Variants in MICAL3 observed in about 807,000 individuals in gnomAD.
The protein encoded by MICAL3 is [F-actin]-monooxygenase MICAL3.
A neutral mutation model predicts 207.4 loss-of-function variants in MICAL3; 62 were observed. The observed-to-expected ratio is 0.30, with a 90% CI of 0.24 to 0.37. The LOEUF (loss-of-function observed/expected upper bound fraction) is 0.37. Ranked by LOEUF, MICAL3 falls within the 10% of genes least tolerant of loss-of-function variation. The pLI is 1.00. For synonymous variants in MICAL3, 1,077 were observed against 1,069.3 expected, an observed-to-expected ratio of 1.01 and a Z score of -0.14; for missense variants, 2,368 against 2,635.6, an observed-to-expected ratio of 0.90 and a Z score of 2.22.
At chr22:18,020,826 A>T (rs1033940445) in intron 1 of MICAL3, among the ~76,000 whole-genome samples, 4 of 151,700 alleles carry the variant, frequency 2.6e-5, no homozygotes, top group African/African-American at 9.7e-5. Context: ...AGGCACAAGA[A>T]TCACTTGAAC....
At position 17,818,192 on chromosome 22, in the gene MICAL3, A is replaced by C. The variant is rs777870341; in HGVS notation, c.4469T>G (p.Leu1490Trp). The change falls in exon 26 of 32, where the codon TTG becomes TGG. Residue 1490 changes from leucine to tryptophan, a missense_variant. By Grantham distance (61) the Leu-to-Trp change is moderately conservative (BLOSUM62 -2). Around this residue, in one of 4 missense-constraint regions of MICAL3, gnomAD observed 1,770 missense variants for 1,863.2 expected, o/e 0.95. Coordinates refer to ENST00000441493, the MANE Select transcript of MICAL3 (RefSeq NM_015241.3). ...EPNASVVPPP[L>W]PATWMRPPRE... ...GGGGGGCCGCATCCAGGTGGCGGGCAAGGGCGGCGGGACCACCGAGGCATT... is the reference window on the plus strand; with the variant it reads ...GGGGGGCCGCATCCAGGTGGCGGGCCAGGGCGGCGGGACCACCGAGGCATT... 13 of 1,565,320 alleles carry C rather than the reference A, an allele frequency of 8.3e-6. No homozygotes were observed. The East Asian group carries it at 2.8e-4, about 34-fold the overall frequency.
At chr22:17,836,346 C>T (rs1448960873) in intron 20 of MICAL3, among the ~76,000 whole-genome samples, 1 of 152,232 alleles carries the variant, frequency 6.6e-6, no homozygotes, top group Non-Finnish European at 1.5e-5. Context: ...GGTCACGGGG[C>T]TGCGCTGCTT....
At chr22:17,832,850 A>AC (rs973007641) in intron 20 of MICAL3, among the ~76,000 whole-genome samples, 5 of 152,080 alleles carry the variant, frequency 3.3e-5, no homozygotes, top group African/African-American at 1.2e-4. Context: ...TTAGAACCCT[A>AC]CCACGTGCCA....
At chr22:17,954,280 T>C (rs1226226792) in intron 1 of MICAL3, among the ~76,000 whole-genome samples, 1 of 152,086 alleles carries the variant, frequency 6.6e-6, no homozygotes, top group Non-Finnish European at 1.5e-5. Flanking sequence ...TGGGGACCTG[T>C]AGTGGGGGAC....
At chr22:17,913,980 A>C (rs1932308933) in intron 1 of MICAL3, among the ~76,000 whole-genome samples, 1 of 152,232 alleles carries the variant, frequency 6.6e-6, no homozygotes, top group African/African-American at 2.4e-5. Context: ...CCTCATCTGT[A>C]AAATGAAAAT....
At chr22:17,965,942 A>C (rs1431454487) in intron 1 of MICAL3, among the ~76,000 whole-genome samples, 2 of 152,168 alleles carry the variant, frequency 1.3e-5, no homozygotes. Flanking sequence ...CCACCACGGG[A>C]CCAACCACCG....
intron 25 of MICAL3, among the ~76,000 whole-genome samples, chr22:17,820,395 C>T (rs567060638): frequency 3.3e-5 from 5 of 152,330 alleles, no homozygotes; most frequent in African/African-American, 1.2e-4. Flanking sequence ...CGCTCTGTCG[C>T]CCAGGCTGGA....
chr22:18,001,744 A>C (rs1923038039), intron 1 of MICAL3, among the ~76,000 whole-genome samples: 1 of 152,254 alleles, frequency 6.6e-6, no homozygotes, highest in Non-Finnish European at 1.5e-5. Context: ...GTCCCCCTGC[A>C]GGATCCATAT....
At chr22:17,970,625 C>T (rs2146409398) in intron 1 of MICAL3, among the ~76,000 whole-genome samples, 1 of 152,348 alleles carries the variant, frequency 6.6e-6, no homozygotes, top group East Asian at 1.9e-4. Flanking sequence ...TAATTCCCCA[C>T]CACTTCCTAT....
intron 1 of MICAL3, among the ~76,000 whole-genome samples, chr22:18,008,230 A>G (rs1311908302): frequency 6.6e-6 from 1 of 151,866 alleles, no homozygotes; most frequent in Non-Finnish European, 1.5e-5. Context: ...AAAGAGCGAA[A>G]CTCCACCTCA....
At chr22:17,810,173 C>A (rs984633902) in intron 28 of MICAL3, among the ~76,000 whole-genome samples, 2 of 151,388 alleles carry the variant, frequency 1.3e-5, no homozygotes, top group Admixed American at 6.6e-5. Flanking sequence ...TGCCATTCTC[C>A]TGCCTCAGCC....
intron 1 of MICAL3, among the ~76,000 whole-genome samples, chr22:17,967,630 AG>A (rs1354127228): frequency 2.6e-5 from 4 of 152,348 alleles, no homozygotes; most frequent in Middle Eastern, 3.4e-3. Flanking sequence ...AATGAGGACC[AG>A]GTGTGGTGGC....
In MICAL3 at chr22:17,861,409, T is replaced by C. The variant is rs1926502304; in HGVS notation, c.2605+3490A>G. The C allele has an allele frequency of 5.1e-6, 5 of 985,352 alleles. No homozygotes were observed. In the African/African-American group the frequency reaches 7.0e-5, roughly 14 times the overall value. 61.0% of individuals were successfully genotyped at this position (985,352 alleles called of 1,614,324 possible). On this transcript the variant is annotated intron_variant, in intron 19 of 31. Transcript: ENST00000441493. ...AAACTAACGTGCTTCTCCCCGTCCA[T>C]CTCTGGCCGGTAATGAACCCGGTGA...
chr22:17,910,933 C>G (rs1349043552), intron 1 of MICAL3, among the ~76,000 whole-genome samples: 2 of 152,208 alleles, frequency 1.3e-5, no homozygotes, highest in Non-Finnish European at 2.9e-5. Context: ...ACCAGGAAAC[C>G]TGGCAGGAAG....
chr22:17,955,390 A>C (rs911140314), intron 1 of MICAL3, among the ~76,000 whole-genome samples: 3 of 152,098 alleles, frequency 2.0e-5, no homozygotes, highest in African/African-American at 7.2e-5. Flanking sequence ...TTCCAGTAAA[A>C]TCCATGCTCC....
chr22:17,891,475 C>T lies in MICAL3; in HGVS notation c.1694+10G>A, dbSNP rs1569118899. On this transcript the variant is annotated intron_variant, in intron 12 of 31. Transcript: ENST00000441493. ...AGTATAAAAAAACACAAAGTTTGAT[C>T]ACAACTTACATCAGGTCAGGGCGGT... 13 of 1,613,180 alleles carry T rather than the reference C, an allele frequency of 8.1e-6. No individual in the cohort carries two copies.
chr22:17,839,648 C>CCT, intron 20 of MICAL3: 1 of 151,428 alleles, frequency 6.6e-6, no homozygotes. Flanking sequence ...CTCACTGCAA[C>CCT]CTCTGCCTTC....
Position 17,900,140 on chromosome 22 carries a change from G to C in MICAL3, c.848-592C>G, listed in dbSNP as rs755166605. On this transcript the variant is annotated intron_variant, in intron 6 of 31. Coordinates refer to ENST00000441493, the MANE Select transcript of MICAL3 (RefSeq NM_015241.3). The surrounding 1 kb of genome is among the most constrained non-coding windows in gnomAD (Gnocchi z 4.0). ...ACGGTTTGCCTTCAAGCCTGAGCTG[G>C]AACTCAGGAAGAAGACTACATACTT... Among the ~76,000 whole-genome samples, 2 of 152,118 alleles carry C rather than the reference G, an allele frequency of 1.3e-5. No homozygotes were observed. Among genetic ancestry groups the C allele is most frequent in the Non-Finnish European group, 2.9e-5 (2 of 68,030 alleles).
intron 1 of MICAL3, among the ~76,000 whole-genome samples, chr22:17,976,527 G>GTA (rs148212209): frequency 1.0e-4 from 13 of 124,804 alleles, no homozygotes; most frequent in South Asian, 5.0e-4. Context: ...GTATATATGT[G>GTA]TATATATATG....
Sources: allele counts gnomAD v4.1 joint callset (sites outside exome capture counted in the v4.1 genomes callset), GRCh38; gene constraint gnomAD v4.1.1; regional missense constraint gnomAD v4.1.1; non-coding constraint Gnocchi (gnomAD v3.1); transcripts MANE v1.5; gene names NCBI Gene and HGNC (gene_info 2026-07-23, HGNC 2026-07-21).